Variants in PLCE1 observed in about 807,000 individuals in gnomAD.
PLCE1 encodes phospholipase C epsilon 1.
PLCE1 carries 119 observed loss-of-function variants against 242.8 expected under a neutral mutation model. That is an observed-to-expected ratio of 0.49 (90% CI 0.42 to 0.57). The LOEUF is 0.57. PLCE1 is among the 20% of genes least tolerant of loss of function. PLCE1 has a pLI of 0.00. For synonymous variants in PLCE1, 945 were observed against 1,017.4 expected (o/e 0.93, Z 1.35); for missense variants, 2,441 against 2,788.8 (o/e 0.88, Z 2.81).
At chr10:94,309,516 G>A (rs2053315680) in intron 27 of PLCE1, among the ~76,000 whole-genome samples, 1 of 152,002 alleles carries the variant, frequency 6.6e-6, no homozygotes, top group African/African-American at 2.4e-5. Flanking sequence ...TATAGAGATG[G>A]GGTCTCACTA....
chr10:94,296,974 A>G (rs1167494977), intron 23 of PLCE1, among the ~76,000 whole-genome samples: 4 of 151,910 alleles, frequency 2.6e-5, no homozygotes, highest in Non-Finnish European at 5.9e-5. Flanking sequence ...CCCGGGTTCA[A>G]GCGATTCTCC....
chr10:94,120,361 G>A (rs1431410459), intron 2 of PLCE1, among the ~76,000 whole-genome samples: 1 of 152,198 alleles, frequency 6.6e-6, no homozygotes, highest in Non-Finnish European at 1.5e-5. Flanking sequence ...ACAGCTTTCA[G>A]TCTTATTGGC....
At chr10:94,129,119 G>A (rs1251936586) in intron 2 of PLCE1, among the ~76,000 whole-genome samples, 1 of 152,180 alleles carries the variant, frequency 6.6e-6, no homozygotes, top group Non-Finnish European at 1.5e-5. Context: ...TGTCCTGAAG[G>A]CCCGAGGTGG....
At chr10:94,166,323 C>T (rs755609069) in intron 3 of PLCE1, among the ~76,000 whole-genome samples, 10 of 152,098 alleles carry the variant, frequency 6.6e-5, no homozygotes, top group Non-Finnish European at 1.0e-4. Context: ...AAAGAATACA[C>T]GTTTAAAATT....
intron 2 of PLCE1, among the ~76,000 whole-genome samples, chr10:94,090,722 T>C (rs185844127): frequency 1.3e-5 from 2 of 152,344 alleles, no homozygotes; most frequent in East Asian, 1.9e-4. Context: ...TCTTCTTGTT[T>C]TTGTTCGGTG....
intron 26 of PLCE1, 107 bp from the exon 27 acceptor site, chr10:94,308,474 C>T: frequency 1.2e-6 from 1 of 820,126 alleles, no homozygotes; most frequent in East Asian, 2.4e-5. Flanking sequence ...CTGTTGCCAT[C>T]CCTGCCCATT....
At chr10:94,101,326 C>T (rs1188550124) in intron 2 of PLCE1, among the ~76,000 whole-genome samples, 1 of 151,478 alleles carries the variant, frequency 6.6e-6, no homozygotes, top group Non-Finnish European at 1.5e-5. Context: ...ATTTTTAAAG[C>T]TGAGGAAAAA....
intron 3 of PLCE1, among the ~76,000 whole-genome samples, chr10:94,146,806 T>C (rs1459777835): frequency 6.6e-6 from 1 of 152,236 alleles, no homozygotes; most frequent in Non-Finnish European, 1.5e-5. Flanking sequence ...CAGTGGCAAA[T>C]CCACAAATGG....
Position 94,306,571 on chromosome 10 carries a change from C to T in PLCE1, c.5767C>T (p.Gln1923Ter). 6.2e-7 allele frequency: 1 copy of T among 1,614,078 alleles called. No homozygotes were observed. The highest frequency in any genetic ancestry group is 8.5e-7 in the Non-Finnish European group (1 of 1,179,930). ...CACCCTGAACCCCATGTGGAACGAG[C>T]AGTTTCTGTTCCACGTTCACTTCGA... ...RNTLNPMWNE[Q>*]FLFHVHFEDL... The change falls in exon 26 of 33, where the codon CAG (glutamine) becomes TAG (stop). Residue 1923 changes from glutamine (Q) to a stop codon, truncating the protein, a stop_gained. Coordinates refer to ENST00000371380, the MANE Select transcript of PLCE1 (RefSeq NM_016341.4). LOFTEE classifies it high-confidence loss of function. The surrounding 1 kb of genome is among the most constrained non-coding windows in gnomAD (Gnocchi z 5.7).
chr10:94,213,087 T>C (rs369741033), intron 4 of PLCE1, among the ~76,000 whole-genome samples: 160 of 152,304 alleles, frequency 1.1e-3, no homozygotes, highest in Middle Eastern at 6.8e-3. Context: ...CTCAAGTTCC[T>C]TTGCTTTGCT....
At chr10:94,265,508 C>T (rs559013786) in intron 14 of PLCE1, 139 bp from the exon 15 acceptor site, 86 of 748,378 alleles carry the variant, frequency 1.1e-4, no homozygotes, top group Non-Finnish European at 1.8e-4. Flanking sequence ...CTTACCACTA[C>T]GTTACTAAAT....
At chr10:94,215,697 G>A (rs1318141473) in intron 4 of PLCE1, among the ~76,000 whole-genome samples, 1 of 152,134 alleles carries the variant, frequency 6.6e-6, no homozygotes, top group Non-Finnish European at 1.5e-5. Context: ...GAGAGAGGAT[G>A]GGTAAAGGAA....
intron 2 of PLCE1, among the ~76,000 whole-genome samples, chr10:94,126,421 A>G (rs2046438186): frequency 6.6e-6 from 1 of 152,164 alleles, no homozygotes; most frequent in Non-Finnish European, 1.5e-5. Context: ...ATAGCCTACA[A>G]TTTTTTACTA....
chr10:94,252,045 A>T (rs537708766), intron 8 of PLCE1, among the ~76,000 whole-genome samples: 1 of 152,280 alleles, frequency 6.6e-6, no homozygotes, highest in South Asian at 2.1e-4. Context: ...AACCTCTGTA[A>T]ATGGGATGGG....
At chr10:94,200,798 G>A (rs779199773) in intron 4 of PLCE1, among the ~76,000 whole-genome samples, 23 of 152,188 alleles carry the variant, frequency 1.5e-4, no homozygotes, top group Non-Finnish European at 2.5e-4. Context: ...TGGATATAAT[G>A]TGATGGGAAT....
At chr10:94,041,542 CCT>C (rs2061767552) in intron 2 of PLCE1, among the ~76,000 whole-genome samples, 1 of 152,136 alleles carries the variant, frequency 6.6e-6, no homozygotes, top group Admixed American at 6.5e-5. Context: ...GTTTCTGGAT[CCT>C]TTTTGCTTAC....
At chr10:93,999,738 C>A (rs959589976) in intron 1 of PLCE1, among the ~76,000 whole-genome samples, 17 of 107,950 alleles carry the variant, frequency 1.6e-4, no homozygotes, top group African/African-American at 8.0e-4. Context: ...CCCCAGCGCC[C>A]TGTTGGCTCT....
chr10:94,182,500 C>A (rs1280368665), intron 4 of PLCE1, among the ~76,000 whole-genome samples: 1 of 151,682 alleles, frequency 6.6e-6, no homozygotes, highest in Non-Finnish European at 1.5e-5. Context: ...AAACTCCTGG[C>A]CTTAAGCAAT....
intron 2 of PLCE1, among the ~76,000 whole-genome samples, chr10:94,129,897 G>C (rs1326870606): frequency 2.0e-5 from 3 of 152,110 alleles, no homozygotes; most frequent in Non-Finnish European, 4.4e-5. Flanking sequence ...GTTGTTCCCT[G>C]GCCTTTCTCA....
Sources: allele counts gnomAD v4.1 joint callset (sites outside exome capture counted in the v4.1 genomes callset), GRCh38; gene constraint gnomAD v4.1.1; non-coding constraint Gnocchi (gnomAD v3.1); transcripts MANE v1.5; gene names NCBI Gene and HGNC (gene_info 2026-07-23, HGNC 2026-07-21).